Variants in PTPRT observed in about 807,000 individuals in gnomAD.
PTPRT encodes the protein receptor-type tyrosine-protein phosphatase T.
In PTPRT, 56 loss-of-function variants were observed where a neutral mutation model predicts 176.8. The ratio of observed to expected loss-of-function variants is 0.32; its 90% CI spans 0.26 to 0.40. The LOEUF is 0.40. PTPRT is among the 10% of genes least tolerant of loss of function. The probability of loss-of-function intolerance (pLI) is 1.00; values close to 1 mark genes in which losing one functional copy is unlikely to be tolerated. For synonymous variants in PTPRT, 783 were observed against 739.0 expected, an observed-to-expected ratio of 1.06 and a Z score of -0.96; for missense variants, 1,540 against 1,908.2, an observed-to-expected ratio of 0.81 and a Z score of 3.60.
At chr20:42,906,856 T>C (rs940802794) in intron 1 of PTPRT, among the ~76,000 whole-genome samples, 1 of 151,950 alleles carries the variant, frequency 6.6e-6, no homozygotes, top group Non-Finnish European at 1.5e-5. Context: ...TACACTCTTG[T>C]TCTAATCTGG....
chr20:42,570,073 C>A (rs954370514), intron 7 of PTPRT, among the ~76,000 whole-genome samples: 1 of 152,186 alleles, frequency 6.6e-6, no homozygotes, highest in Non-Finnish European at 1.5e-5. Context: ...TCTGCTACCC[C>A]ACATGGCTCC....
chr20:43,102,026 C>T (rs1410376439), intron 1 of PTPRT, among the ~76,000 whole-genome samples: 3 of 152,126 alleles, frequency 2.0e-5, no homozygotes, highest in Non-Finnish European at 2.9e-5. Context: ...GGTGTCCTTA[C>T]ATGGCAGAAG....
chr20:42,068,012 T>C (rs1459211983), downstream of PTPRT, among the ~76,000 whole-genome samples: 2 of 152,346 alleles, frequency 1.3e-5, no homozygotes, highest in East Asian at 1.9e-4. Context: ...CAGGGTCTGC[T>C]TGTTCTGGGA....
chr20:42,863,010 T>C (rs774047913), intron 2 of PTPRT, among the ~76,000 whole-genome samples: 119 of 152,178 alleles, frequency 7.8e-4, no homozygotes, highest in Non-Finnish European at 1.4e-3. Flanking sequence ...CTTACACTAA[T>C]GGGGTAAGGC....
intron 8 of PTPRT, among the ~76,000 whole-genome samples, chr20:42,466,756 C>T (rs926194924): frequency 1.3e-5 from 2 of 152,060 alleles, no homozygotes; most frequent in South Asian, 2.1e-4. Flanking sequence ...CAGGCAATAA[C>T]GCATCACCGA....
At chr20:42,137,758 C>G (rs1425888017) in intron 18 of PTPRT, among the ~76,000 whole-genome samples, 4 of 152,168 alleles carry the variant, frequency 2.6e-5, no homozygotes, top group Admixed American at 1.3e-4. Flanking sequence ...CTGAGAGCTG[C>G]CCTAGAGCCA....
At chr20:42,473,317 T>C (rs1255611563) in intron 7 of PTPRT, among the ~76,000 whole-genome samples, 2 of 152,212 alleles carry the variant, frequency 1.3e-5, no homozygotes, top group African/African-American at 4.8e-5. Flanking sequence ...CATAATGTTG[T>C]CTATGTCTAA....
At chr20:42,645,394 G>T (rs1170732740) in intron 7 of PTPRT, among the ~76,000 whole-genome samples, 1 of 152,150 alleles carries the variant, frequency 6.6e-6, no homozygotes, top group Non-Finnish European at 1.5e-5. Context: ...GTCCAGCAGG[G>T]CCTCCAGTGG....
intron 15 of PTPRT, among the ~76,000 whole-genome samples, chr20:42,209,521 C>T (rs2055564397): frequency 6.6e-6 from 1 of 152,208 alleles, no homozygotes; most frequent in South Asian, 2.1e-4. Flanking sequence ...ACAAACACCT[C>T]TACGCAAATG....
At chr20:42,459,466 G>A (rs1169020860) in intron 8 of PTPRT, among the ~76,000 whole-genome samples, 1 of 152,222 alleles carries the variant, frequency 6.6e-6, no homozygotes, top group Non-Finnish European at 1.5e-5. Context: ...CAGAGCTGAA[G>A]CTGCAAAGAT....
intron 5 of PTPRT, among the ~76,000 whole-genome samples, chr20:42,762,668 G>C (rs1294569141): frequency 6.6e-6 from 1 of 152,152 alleles, no homozygotes; most frequent in African/African-American, 2.4e-5. Flanking sequence ...TTGCCCAAGG[G>C]CTCTATCTGC....
chr20:43,000,527 T>C (rs764183201), intron 1 of PTPRT, among the ~76,000 whole-genome samples: 1 of 151,864 alleles, frequency 6.6e-6, no homozygotes, highest in African/African-American at 2.4e-5. Context: ...AATATGAAAT[T>C]ATAAGACAAT....
At chr20:43,089,351 G>C (rs1442853674) in intron 1 of PTPRT, among the ~76,000 whole-genome samples, 1 of 152,170 alleles carries the variant, frequency 6.6e-6, no homozygotes, top group Non-Finnish European at 1.5e-5. Context: ...CTCATGGTTT[G>C]AGAAGAGAAA....
intron 6 of PTPRT, among the ~76,000 whole-genome samples, chr20:42,727,877 A>G (rs1392580981): frequency 1.3e-5 from 2 of 152,078 alleles, no homozygotes; most frequent in Admixed American, 1.3e-4. Flanking sequence ...ACTGGATTGT[A>G]TCTCTCTTGC....
intron 7 of PTPRT, among the ~76,000 whole-genome samples, chr20:42,570,806 T>C (rs1568985850): frequency 6.6e-6 from 1 of 152,182 alleles, no homozygotes; most frequent in South Asian, 2.1e-4. Flanking sequence ...ACCTGAATAA[T>C]CCAAGCTAAT....
chr20:42,700,876 A>G (rs546739067), intron 6 of PTPRT, among the ~76,000 whole-genome samples: 1 of 152,352 alleles, frequency 6.6e-6, no homozygotes, highest in African/African-American at 2.4e-5. Flanking sequence ...TATCAAGGGC[A>G]TATTATCAGA....
intron 19 of PTPRT, among the ~76,000 whole-genome samples, chr20:42,126,825 A>C (rs1987882253): frequency 6.6e-6 from 1 of 152,210 alleles, no homozygotes; most frequent in Non-Finnish European, 1.5e-5. Flanking sequence ...GGCTGCTGGC[A>C]TGATGGATGT....
chr20:43,030,411 G>A (rs6030613), intron 1 of PTPRT, among the ~76,000 whole-genome samples: 63,165 of 151,780 alleles, frequency 0.42, 16,681 homozygotes, highest in African/African-American at 0.75. Flanking sequence ...TTGATATTGG[G>A]GCTAACTTTA....
chr20:43,103,141 C>G (rs2012461242), intron 1 of PTPRT, among the ~76,000 whole-genome samples: 1 of 152,090 alleles, frequency 6.6e-6, no homozygotes, highest in Non-Finnish European at 1.5e-5. Context: ...CACCTGCCCC[C>G]AGATGTTCTC....
Sources: allele counts gnomAD v4.1 joint callset (sites outside exome capture counted in the v4.1 genomes callset), GRCh38; gene constraint gnomAD v4.1.1; transcripts MANE v1.5; gene names NCBI Gene and HGNC (gene_info 2026-07-23, HGNC 2026-07-21).